Variants in IWS1 observed in about 807,000 individuals in gnomAD.
The protein encoded by IWS1 is interacts with SUPT6H, CTD assembly factor 1, also known as protein IWS1 homolog.
In IWS1, 27 loss-of-function variants were observed where a neutral mutation model predicts 86.7. The observed-to-expected ratio is 0.31, with a 90% confidence interval of 0.23 to 0.43. The LOEUF (loss-of-function observed/expected upper bound fraction) is 0.43. Among genes scored for constraint, IWS1 ranks in the 20% least tolerant of loss-of-function variants. IWS1 has a pLI of 1.00. For synonymous variants in IWS1, 313 were observed against 335.1 expected (o/e 0.93, Z 0.72); for missense variants, 827 against 1,000.8 (o/e 0.83, Z 2.34).
At chr2:127,508,395 T>A (rs1366709372) in intron 2 of IWS1, among the ~76,000 whole-genome samples, 1 of 152,198 alleles carries the variant, frequency 6.6e-6, no homozygotes, top group Non-Finnish European at 1.5e-5. Flanking sequence ...GCATGCAGTT[T>A]GTGATGGCTG....
intron 2 of IWS1, among the ~76,000 whole-genome samples, chr2:127,513,978 C>T (rs1357239103): frequency 2.0e-5 from 3 of 152,218 alleles, no homozygotes; most frequent in Non-Finnish European, 2.9e-5. Flanking sequence ...CCAAAGACAG[C>T]TTAAACCCTG....
At chr2:127,516,557 G>T (rs1027568911) in intron 2 of IWS1, among the ~76,000 whole-genome samples, 3 of 152,092 alleles carry the variant, frequency 2.0e-5, no homozygotes, top group Non-Finnish European at 4.4e-5. Context: ...GAGGTCAGGA[G>T]TTCAAGACCA....
chr2:127,481,011 T>TA lies in IWS1; in HGVS notation c.*32dup, dbSNP rs1558734546. 8.2e-6 allele frequency: 13 copies of TA among 1,580,684 alleles called. No homozygotes were observed. The highest frequency in any genetic ancestry group is 1.1e-5 in the Non-Finnish European group (13 of 1,168,280). ...TCCAAAGAGTCCATTGCGCATTTCTTAGAGTAGAGATGGGGACACATTCCA... is the reference window on the plus strand; with the variant it reads ...TCCAAAGAGTCCATTGCGCATTTCTTAAGAGTAGAGATGGGGACACATTCCA... On this transcript the variant is annotated 3_prime_UTR_variant, in exon 14 of 14. Coordinates refer to ENST00000295321, the MANE Select transcript of IWS1 (RefSeq NM_017969.3).
chr2:127,524,158 T>C (rs1206440239), intron 1 of IWS1, among the ~76,000 whole-genome samples: 4 of 152,216 alleles, frequency 2.6e-5, no homozygotes, highest in Non-Finnish European at 5.9e-5. Flanking sequence ...TGGGTCTTCT[T>C]CACCTGAAAG....
intron 5 of IWS1, among the ~76,000 whole-genome samples, chr2:127,500,941 T>C (rs1690769800): frequency 6.6e-6 from 1 of 152,200 alleles, no homozygotes; most frequent in Non-Finnish European, 1.5e-5. Flanking sequence ...TTTACTAATG[T>C]ACATTCATAC....
intron 2 of IWS1, among the ~76,000 whole-genome samples, chr2:127,518,280 C>T (rs545838005): frequency 6.6e-6 from 1 of 152,254 alleles, no homozygotes; most frequent in South Asian, 2.1e-4. Flanking sequence ...CTTTGGGAGG[C>T]CAAGGCGGGC....
chr2:127,494,857 A>T lies in IWS1; in HGVS notation c.1799+15T>A. 1 of 1,482,220 alleles carries T rather than the reference A, an allele frequency of 6.7e-7. No homozygotes were observed. The highest frequency in any genetic ancestry group is 2.3e-5 in the East Asian group (1 of 43,094). The allele number at this position is 1,482,220 out of a possible 1,614,324, so 91.8% of individuals were successfully genotyped here. A position where few individuals can be genotyped will look rare whatever the true frequency, so the allele number is the denominator to read the frequency against. ...GAAAAGGAAAAAGACATTTTAAAGA[A>T]AACAAAATACTTACTTCTTAAGGTG... On this transcript the variant is annotated intron_variant, in intron 8 of 13. Transcript: ENST00000295321.
At position 127,489,543 on chromosome 2, in the gene IWS1, C is replaced by T. The variant is rs967507860; in HGVS notation, c.2159+289G>A. ...ATTTTTTCTTCTAGGAACTCGGAAA[C>T]GGGACCCAGAAAGTTGTTTTCTCAA... On this transcript the variant is annotated intron_variant, in intron 11 of 13. Coordinates refer to ENST00000295321, the MANE Select transcript of IWS1 (RefSeq NM_017969.3). This position sits in a 1 kb window ranked among gnomAD's most constrained non-coding sequence, Gnocchi z 4.8. The T allele has an allele frequency of 5.8e-5, 29 of 496,614 alleles. 1 individual carries two copies. The highest frequency in any genetic ancestry group is 1.9e-4 in the Admixed American group (5 of 26,572). 30.8% of individuals were successfully genotyped at this position (496,614 alleles called of 1,614,324 possible).
intron 12 of IWS1, among the ~76,000 whole-genome samples, chr2:127,488,329 T>A (rs1007140485): frequency 1.3e-5 from 2 of 152,228 alleles, no homozygotes; most frequent in African/African-American, 4.8e-5. Context: ...TATAGGGCTA[T>A]CTCATTAGGC....
chr2:127,518,426 A>T (rs1321992190), intron 2 of IWS1, among the ~76,000 whole-genome samples: 6 of 152,114 alleles, frequency 3.9e-5, no homozygotes, highest in Non-Finnish European at 8.8e-5. Context: ...TGAGGTCTGG[A>T]TCACTTAAGC....
chr2:127,501,018 A>G (rs879392745), intron 5 of IWS1, among the ~76,000 whole-genome samples: 4 of 152,206 alleles, frequency 2.6e-5, no homozygotes, highest in Non-Finnish European at 5.9e-5. Flanking sequence ...GTCATGTTTT[A>G]ATTTTATATA....
intron 2 of IWS1, among the ~76,000 whole-genome samples, chr2:127,519,578 A>G (rs1412760446): frequency 2.7e-5 from 2 of 73,598 alleles, no homozygotes; most frequent in East Asian, 2.0e-3. Context: ...TGAGGGGTTT[A>G]AAAAAAAAAA....
chr2:127,523,363 C>A (rs1692213497), intron 2 of IWS1, among the ~76,000 whole-genome samples: 1 of 152,192 alleles, frequency 6.6e-6, no homozygotes. Context: ...CAATGCCCCA[C>A]TATGACATTA....
chr2:127,501,057 T>A (rs1245348866), intron 5 of IWS1, among the ~76,000 whole-genome samples: 1 of 152,230 alleles, frequency 6.6e-6, no homozygotes, highest in African/African-American at 2.4e-5. Context: ...TTTCATTTTG[T>A]ATAGTCAATA....
intron 8 of IWS1, among the ~76,000 whole-genome samples, chr2:127,493,734 A>C (rs1690357165): frequency 6.6e-6 from 1 of 151,934 alleles, no homozygotes; most frequent in South Asian, 2.1e-4. Flanking sequence ...AAAAACGTTC[A>C]ATCTATCAAA....
rs919857386 is a variant in IWS1 at position 127,499,367 on chromosome 2, G to T, written c.1468-1130C>A. ...GGCCTCCCAAAGTGCTGGGATTACA[G>T]GCGTGAGCCACCGCGCCCGGCCAAT... On this transcript the variant is annotated intron_variant, in intron 5 of 13. Coordinates refer to ENST00000295321, the MANE Select transcript of IWS1 (RefSeq NM_017969.3). This position sits in a 1 kb window ranked among gnomAD's most constrained non-coding sequence, Gnocchi z 4.0. 4.6e-5 allele frequency among the ~76,000 whole-genome samples: 7 copies of T among 152,180 alleles called. No individual in the cohort carries two copies. The East Asian group carries it at 1.3e-3, about 29-fold the overall frequency.
At position 127,491,885 on chromosome 2, in the gene IWS1, C is replaced by T. The variant is rs192110764; in HGVS notation, c.2047+86G>A. Reference sequence around the variant, plus strand: ...TTTACCGACTCGTTTAAAACAAATACTGGTAAAAATACAGCTTTTATATAT... The same window carrying T: ...TTTACCGACTCGTTTAAAACAAATATTGGTAAAAATACAGCTTTTATATAT... On this transcript the variant is annotated intron_variant, in intron 10 of 13. Transcript: ENST00000295321. 4.5e-4 allele frequency: 363 copies of T among 803,902 alleles called. 2 individuals carry two copies. In the East Asian group the frequency reaches 7.6e-3, roughly 17 times the overall value. The allele number at this position is 803,902 out of a possible 1,614,324, so 49.8% of individuals were successfully genotyped here.
At position 127,505,431 on chromosome 2, in the gene IWS1, C is replaced by T; in HGVS notation, c.472G>A (p.Asp158Asn). The change falls in exon 3 of 14, where the codon GAT becomes AAT. Residue 158 changes from aspartate (D) to asparagine (N), a missense_variant. This residue lies in a region of IWS1 where 548 missense variants were observed against 560.2 expected (regional missense o/e 0.98). Transcript: ENST00000295321. This position sits in a 1 kb window ranked among gnomAD's most constrained non-coding sequence, Gnocchi z 5.0. Reference protein sequence around the residue: ...NEDVGKHPASDSEIEELQKSP... With the variant: ...NEDVGKHPASNSEIEELQKSP... ...TTCTGGAGCTCCTCAATCTCAGAAT[C>T]ACTGGCGGGATGCTTCCCAACATCT... The T allele has an allele frequency of 3.1e-6, 5 of 1,614,184 alleles. No homozygotes were observed. Among genetic ancestry groups the T allele is most frequent in the Non-Finnish European group, 4.2e-6 (5 of 1,180,042 alleles).
At chr2:127,495,851 T>C (rs1224491827) in intron 7 of IWS1, 147 bp downstream of exon 7, 2 of 714,240 alleles carry the variant, frequency 2.8e-6, no homozygotes, top group African/African-American at 1.8e-5. Context: ...TTAAAATATT[T>C]CCATGATTAA....
Sources: gnomAD v4.1 joint callset for allele counts (sites outside exome capture counted in the v4.1 genomes callset) on GRCh38, gnomAD v4.1.1 for gene constraint, gnomAD v4.1.1 regional missense constraint, Gnocchi (gnomAD v3.1) non-coding constraint, MANE v1.5 for transcripts, NCBI Gene and HGNC (gene_info 2026-07-23, HGNC 2026-07-21) for gene names.